The following VAV2 variants were observed in gnomAD, a reference collection of about 807,000 sequenced individuals.
VAV2 encodes vav guanine nucleotide exchange factor 2.
VAV2 carries 67 observed loss-of-function variants against 132.5 expected under a neutral mutation model. The ratio of observed to expected loss-of-function variants is 0.51; its 90% CI spans 0.42 to 0.62. VAV2 has a LOEUF of 0.62. Ranked by LOEUF, VAV2 falls within the 20% of genes least tolerant of loss-of-function variation. VAV2 has a pLI of 0.00. For missense variants in VAV2, 938 were observed against 1,153.6 expected, an observed-to-expected ratio of 0.81 and a Z score of 2.71; for synonymous variants, 492 against 443.5, an observed-to-expected ratio of 1.11 and a Z score of -1.37.
At chr9:133,944,814 G>A (rs1041524863) in intron 1 of VAV2, among the ~76,000 whole-genome samples, 1 of 152,270 alleles carries the variant, frequency 6.6e-6, no homozygotes, top group Non-Finnish European at 1.5e-5. Context: ...CATGCAGGAG[G>A]AGCGTGGGGC....
chr9:133,974,489 C>A (rs532411542), intron 1 of VAV2, among the ~76,000 whole-genome samples: 1 of 152,120 alleles, frequency 6.6e-6, no homozygotes, highest in East Asian at 1.9e-4. Flanking sequence ...TTGCGCTGGG[C>A]CAAACACACA....
At position 133,991,218 on chromosome 9, in the gene VAV2, G is replaced by A; in HGVS notation, c.204+857C>T. ...CCCGACCTCTTCTAAGCTGCTCCCG[G>A]TAAGGATTCCGCGACCCCCGGAGAA... On this transcript the variant is annotated intron_variant, in intron 1 of 29. Coordinates refer to ENST00000371850, the MANE Select transcript of VAV2 (RefSeq NM_001134398.2). The surrounding 1 kb of genome is among the most constrained non-coding windows in gnomAD (Gnocchi z 4.8). 6.6e-6 allele frequency among the ~76,000 whole-genome samples: 1 copy of A among 151,902 alleles called. No individual in the cohort carries two copies. Among genetic ancestry groups the A allele is most frequent in the South Asian group, 2.1e-4 (1 of 4,780 alleles).
In VAV2 at chr9:133,929,877, C is replaced by T. The variant is rs148626874; in HGVS notation, c.321+9226G>A. Among the ~76,000 whole-genome samples the T allele has an allele frequency of 1.8e-3, 276 of 152,322 alleles. 1 individual carries two copies. The highest frequency in any genetic ancestry group is 6.2e-3 in the African/African-American group (256 of 41,578). On this transcript the variant is annotated intron_variant, in intron 2 of 29. Transcript: ENST00000371850. ...AGGAGGCAGGTTTCCTCAGCTGTGACGGATCAATGGTTTCCAACTATGTTT... is the reference window on the plus strand; with the variant it reads ...AGGAGGCAGGTTTCCTCAGCTGTGATGGATCAATGGTTTCCAACTATGTTT...
intron 1 of VAV2, among the ~76,000 whole-genome samples, chr9:133,985,191 G>A (rs955596162): frequency 4.6e-5 from 7 of 151,136 alleles, no homozygotes; most frequent in African/African-American, 1.7e-4. Context: ...GAACACCCCA[G>A]CAGCACTGAG....
rs774751146 is a variant in VAV2 at position 133,992,093 on chromosome 9, G to A, written c.186C>T (p.Phe62=). 28 of 1,581,284 alleles carry A rather than the reference G, an allele frequency of 1.8e-5. No homozygotes were observed. The highest frequency in any genetic ancestry group is 3.5e-5 in the Admixed American group (2 of 57,178). ...CGCTCACCTGGGACATCTGCGGCCG[G>A]AAGTTGATGTCCTTGAGGTCGATGG... ...PGSIDLKDIN[F]RPQMSQFLCL... The change falls in exon 1 of 30, where the codon TTC becomes TTT. Residue 62 remains phenylalanine, a synonymous_variant. Coordinates refer to ENST00000371850, the MANE Select transcript of VAV2 (RefSeq NM_001134398.2). The surrounding 1 kb of genome is among the most constrained non-coding windows in gnomAD (Gnocchi z 5.5).
intron 1 of VAV2, among the ~76,000 whole-genome samples, chr9:133,981,544 C>T (rs939155969): frequency 6.6e-6 from 1 of 152,212 alleles, no homozygotes. Context: ...GTGAGGGTGC[C>T]GAGTCCTGAG....
At chr9:133,901,572 G>A (rs1044741238) in intron 2 of VAV2, among the ~76,000 whole-genome samples, 1 of 152,240 alleles carries the variant, frequency 6.6e-6, no homozygotes, top group African/African-American at 2.4e-5. Context: ...CCTTGCCAGA[G>A]AGCCCACATG....
At chr9:133,805,699 C>T (rs113944224) in intron 9 of VAV2, among the ~76,000 whole-genome samples, 160 of 152,366 alleles carry the variant, frequency 1.1e-3, no homozygotes, top group African/African-American at 3.8e-3. Flanking sequence ...CTCCACGTGC[C>T]ACCTCTTTTC....
chr9:133,975,948 A>G (rs1320232410), intron 1 of VAV2, among the ~76,000 whole-genome samples: 1 of 152,094 alleles, frequency 6.6e-6, no homozygotes, highest in Non-Finnish European at 1.5e-5. Flanking sequence ...CTGTAATCCC[A>G]GCACTTTGGG....
rs1002761595 is a variant in VAV2 at position 133,823,495 on chromosome 9, T to G, written c.449+10777A>C. Among the ~76,000 whole-genome samples the G allele has an allele frequency of 6.6e-6, 1 of 152,184 alleles. No homozygotes were observed. Among genetic ancestry groups the G allele is most frequent in the Non-Finnish European group, 1.5e-5 (1 of 68,028 alleles). On this transcript the variant is annotated intron_variant, in intron 4 of 29. Coordinates refer to ENST00000371850, the MANE Select transcript of VAV2 (RefSeq NM_001134398.2). The surrounding 1 kb of genome is among the most constrained non-coding windows in gnomAD (Gnocchi z 5.5). ...CTTGTTCATTTTAGAGCAATATTTC[T>G]TAAGTGCCACTGTGTGTCAGTCAGA...
chr9:133,932,002 A>G (rs886789389), intron 2 of VAV2, among the ~76,000 whole-genome samples: 2 of 152,202 alleles, frequency 1.3e-5, no homozygotes, highest in African/African-American at 2.4e-5. Flanking sequence ...ACCTGTGCTC[A>G]GTCCCAGCTC....
chr9:133,796,787 C>G (rs745989929), intron 10 of VAV2, among the ~76,000 whole-genome samples: 2 of 152,236 alleles, frequency 1.3e-5, no homozygotes, highest in Non-Finnish European at 2.9e-5. Flanking sequence ...CTACGGAAAC[C>G]CTCTCGGGGC....
At position 133,788,253 on chromosome 9, in the gene VAV2, G is replaced by A. The variant is rs543982339; in HGVS notation, c.1407+101C>T. ...CCCAACCCACCCGGCCAGCATCAGC[G>A]GCTGACTTCGAGTCCCCTTCCCCTG... On this transcript the variant is annotated intron_variant, in intron 15 of 29. Transcript: ENST00000371850. This position sits in a 1 kb window ranked among gnomAD's most constrained non-coding sequence, Gnocchi z 5.3. 2.6e-4 allele frequency: 192 copies of A among 725,388 alleles called. 2 individuals are homozygous for A. The Admixed American group carries it at 2.7e-3, about 10-fold the overall frequency. The allele number at this position is 725,388 out of a possible 1,614,324, so 44.9% of individuals were successfully genotyped here. A position where few individuals can be genotyped will look rare whatever the true frequency, so the allele number is the denominator to read the frequency against.
At chr9:133,948,790 T>C (rs1380119752) in intron 1 of VAV2, among the ~76,000 whole-genome samples, 1 of 152,228 alleles carries the variant, frequency 6.6e-6, no homozygotes, top group African/African-American at 2.4e-5. Context: ...TTGACGTTCC[T>C]CTCTGCTTCA....
intron 1 of VAV2, among the ~76,000 whole-genome samples, chr9:133,984,476 G>A (rs781527001): frequency 1.5e-4 from 23 of 152,078 alleles, no homozygotes; most frequent in African/African-American, 4.8e-4. Context: ...AGCTGGGCGC[G>A]GTGGCACACA....
Position 133,918,469 on chromosome 9 carries a change from T to TCAGAAACCCA in VAV2, c.321+20633_321+20634insTGGGTTTCTG. On this transcript the variant is annotated intron_variant, in intron 2 of 29. Coordinates refer to ENST00000371850, the MANE Select transcript of VAV2 (RefSeq NM_001134398.2). The surrounding 1 kb of genome is among the most constrained non-coding windows in gnomAD (Gnocchi z 4.7). The stretch of plus-strand genomic sequence containing the variant: ...GGAAAGGCGGCAGACTCCTTCTCGG[T>TCAGAAACCCA]GGCACCCATTGTAAGAGTCAGCCTG... 6.8e-6 allele frequency among the ~76,000 whole-genome samples: 1 copy of TCAGAAACCCA among 146,372 alleles called. No individual in the cohort carries two copies. Among genetic ancestry groups the TCAGAAACCCA allele is most frequent in the African/African-American group, 2.7e-5 (1 of 37,338 alleles).
chr9:133,910,135 A>C (rs1279909950), intron 2 of VAV2, among the ~76,000 whole-genome samples: 2 of 152,160 alleles, frequency 1.3e-5, no homozygotes, highest in African/African-American at 4.8e-5. Context: ...TATTGCCTAG[A>C]ATGAAGAAGT....
Position 133,804,603 on chromosome 9 carries a change from G to A in VAV2, c.836+1478C>T, listed in dbSNP as rs565633849. Among the ~76,000 whole-genome samples the A allele has an allele frequency of 3.6e-4, 55 of 152,300 alleles. No individual in the cohort carries two copies. The highest frequency in any genetic ancestry group is 7.4e-4 in the Non-Finnish European group (50 of 68,016). ...AGGGCTTCAGCCTTTGACGGACCTC[G>A]AAGCAAACCACGCCTCATCCGTGGC... On this transcript the variant is annotated intron_variant, in intron 9 of 29. Coordinates refer to ENST00000371850, the MANE Select transcript of VAV2 (RefSeq NM_001134398.2). The surrounding 1 kb of genome is among the most constrained non-coding windows in gnomAD (Gnocchi z 4.5).
chr9:133,921,419 A>G (rs1840293467), intron 2 of VAV2, among the ~76,000 whole-genome samples: 1 of 152,326 alleles, frequency 6.6e-6, no homozygotes. Context: ...GGGAGGACTG[A>G]CTGGGGCCAG....
Sources: gnomAD v4.1 joint callset for allele counts (sites outside exome capture counted in the v4.1 genomes callset) on GRCh38, gnomAD v4.1.1 for gene constraint, Gnocchi (gnomAD v3.1) non-coding constraint, MANE v1.5 for transcripts, NCBI Gene and HGNC (gene_info 2026-07-23, HGNC 2026-07-21) for gene names.